Variants in TMEM178B observed in about 807,000 individuals in gnomAD.
TMEM178B encodes transmembrane protein 178B.
In TMEM178B, 5 loss-of-function variants were observed where a neutral mutation model predicts 31.0. The observed-to-expected ratio is 0.16, with a 90% CI of 0.08 to 0.34. TMEM178B has a LOEUF of 0.34. TMEM178B is among the 10% of genes least tolerant of loss of function. The pLI, the probability that TMEM178B is intolerant of heterozygous loss-of-function variation, is 1.00. For synonymous variants in TMEM178B, 164 were observed against 164.0 expected (o/e 1.00, Z 0.00); for missense variants, 275 against 400.3 (o/e 0.69, Z 2.67).
intron 2 of TMEM178B, among the ~76,000 whole-genome samples, chr7:141,431,600 T>C (rs972455284): frequency 3.3e-5 from 5 of 152,360 alleles, no homozygotes; most frequent in Middle Eastern, 3.4e-3. Context: ...CTGACATGAT[T>C]CGTGAGGAGA....
At chr7:141,242,531 G>A (rs753918395) in intron 2 of TMEM178B, among the ~76,000 whole-genome samples, 6 of 136,344 alleles carry the variant, frequency 4.4e-5, no homozygotes, top group African/African-American at 1.1e-4. Flanking sequence ...CTACCTTCCC[G>A]ATTCTTTTCC....
chr7:141,180,463 C>CAAAAAAAAAAAAAAAAAA, intron 1 of TMEM178B, among the ~76,000 whole-genome samples: 1 of 83,306 alleles, frequency 1.2e-5, no homozygotes, highest in Non-Finnish European at 2.3e-5. Context: ...GAGCCCATCT[C>CAAAAAAAAAAAAAAAAAA]AAAAAAAAAA....
In TMEM178B at chr7:141,478,910, G is replaced by A. The variant is rs907427282; in HGVS notation, c.*8124G>A. 1 of 152,166 alleles carries A rather than the reference G, an allele frequency of 6.6e-6. No homozygotes were observed. Among genetic ancestry groups the A allele is most frequent in the Admixed American group, 6.5e-5 (1 of 15,276 alleles). The allele number at this position is 152,166 out of a possible 1,614,324, so 9.4% of individuals were successfully genotyped here. On this transcript the variant is annotated 3_prime_UTR_variant, in exon 4 of 4. Transcript: ENST00000565468. ...TCATAGCTGATGAAGGCAGGAGTGA[G>A]TCTTATTATGTTGGCCTAGAGTAGA...
At chr7:141,313,741 T>G (rs548710800) in intron 2 of TMEM178B, among the ~76,000 whole-genome samples, 11 of 150,760 alleles carry the variant, frequency 7.3e-5, no homozygotes, top group African/African-American at 2.7e-4. Flanking sequence ...AATGGAGATG[T>G]GGCTTCCCGT....
At chr7:141,213,704 G>A (rs748471244) in intron 2 of TMEM178B, among the ~76,000 whole-genome samples, 14 of 152,300 alleles carry the variant, frequency 9.2e-5, no homozygotes, top group Non-Finnish European at 1.5e-4. Context: ...AGGCCCACCA[G>A]GTGTATTCTA....
At chr7:141,275,290 G>A (rs2116387424) in intron 2 of TMEM178B, among the ~76,000 whole-genome samples, 1 of 152,336 alleles carries the variant, frequency 6.6e-6, no homozygotes, top group South Asian at 2.1e-4. Context: ...CCCAAGTGTA[G>A]TACCTCTCCT....
intron 2 of TMEM178B, among the ~76,000 whole-genome samples, chr7:141,387,963 C>T (rs1800465034): frequency 6.6e-6 from 1 of 152,214 alleles, no homozygotes; most frequent in Non-Finnish European, 1.5e-5. Flanking sequence ...AACCTGCCTT[C>T]GTCCACTTAC....
chr7:141,264,934 C>T (rs748741702), intron 2 of TMEM178B, among the ~76,000 whole-genome samples: 2 of 152,160 alleles, frequency 1.3e-5, no homozygotes, highest in Non-Finnish European at 2.9e-5. Context: ...AAGTGCCAAG[C>T]ACTGTTACAT....
intron 2 of TMEM178B, among the ~76,000 whole-genome samples, chr7:141,339,813 C>T (rs371234462): frequency 1.1e-4 from 16 of 152,200 alleles, no homozygotes; most frequent in East Asian, 9.6e-4. Flanking sequence ...GCAATGGGCT[C>T]ATGTTAGTAG....
At chr7:141,161,374 C>T (rs553615257) in intron 1 of TMEM178B, among the ~76,000 whole-genome samples, 1 of 152,114 alleles carries the variant, frequency 6.6e-6, no homozygotes, top group Non-Finnish European at 1.5e-5. Flanking sequence ...CGGGAAGGCT[C>T]TGCTGGAGGT....
intron 2 of TMEM178B, among the ~76,000 whole-genome samples, chr7:141,338,188 T>G (rs1475654744): frequency 6.6e-6 from 1 of 152,166 alleles, no homozygotes; most frequent in African/African-American, 2.4e-5. Flanking sequence ...TGATAGAAAT[T>G]AGAGCAATAG....
intron 1 of TMEM178B, among the ~76,000 whole-genome samples, chr7:141,191,886 A>G (rs1796702455): frequency 6.6e-6 from 1 of 152,190 alleles, no homozygotes; most frequent in Admixed American, 6.5e-5. Flanking sequence ...GGTTATAGTT[A>G]CAAAGGCTTT....
intron 1 of TMEM178B, among the ~76,000 whole-genome samples, chr7:141,148,337 C>T (rs186679590): frequency 1.1e-4 from 17 of 152,278 alleles, no homozygotes; most frequent in South Asian, 2.1e-4. Flanking sequence ...CAGGTTCCAG[C>T]GATTAGGATG....
rs1040095562 is a variant in TMEM178B, at chr7:141,470,809, T to C, written c.*23T>C. On this transcript the variant is annotated 3_prime_UTR_variant, in exon 4 of 4. Transcript: ENST00000565468. Reference sequence around the variant, plus strand: ...TAAAAAACAAACCCATACATACATATATATATATAAATATATATATATAAT... The same window carrying C: ...TAAAAAACAAACCCATACATACATACATATATATAAATATATATATATAAT... 8.3e-6 allele frequency: 9 copies of C among 1,082,380 alleles called. No individual in the cohort carries two copies. Among genetic ancestry groups the C allele is most frequent in the Non-Finnish European group, 1.0e-5 (9 of 864,760 alleles). 67.0% of individuals were successfully genotyped at this position (1,082,380 alleles called of 1,614,324 possible).
chr7:141,212,113 G>C (rs560736225), intron 1 of TMEM178B, among the ~76,000 whole-genome samples: 1 of 152,246 alleles, frequency 6.6e-6, no homozygotes, highest in Admixed American at 6.5e-5. Flanking sequence ...TGTGTTCAGA[G>C]GTGAGGTTGG....
At chr7:141,119,657 T>G (rs555988953) in intron 1 of TMEM178B, among the ~76,000 whole-genome samples, 1 of 152,276 alleles carries the variant, frequency 6.6e-6, no homozygotes, top group East Asian at 1.9e-4. Context: ...ATCCCTGTCT[T>G]TTTTGTTTGG....
At chr7:141,295,132 A>G (rs1798609562) in intron 2 of TMEM178B, among the ~76,000 whole-genome samples, 1 of 152,198 alleles carries the variant, frequency 6.6e-6, no homozygotes, top group African/African-American at 2.4e-5. Flanking sequence ...TACTTGAAAT[A>G]TGACAGATGT....
intron 1 of TMEM178B, among the ~76,000 whole-genome samples, chr7:141,194,106 A>G (rs1796742023): frequency 6.6e-6 from 1 of 152,138 alleles, no homozygotes; most frequent in South Asian, 2.1e-4. Flanking sequence ...TCTGGGAGAT[A>G]CAATTCAAGT....
In TMEM178B at chr7:141,369,365, G is replaced by T. The variant is rs1382471938; in HGVS notation, c.497-68243G>T. Among the ~76,000 whole-genome samples the T allele has an allele frequency of 2.7e-5, 4 of 150,926 alleles. No individual in the cohort carries two copies. The East Asian group carries it at 5.9e-4, about 22-fold the overall frequency. On this transcript the variant is annotated intron_variant, in intron 2 of 3. Transcript: ENST00000565468. Reference sequence around the variant, plus strand: ...TGTGTGTGTGTGTGTGTGTATGTGTGTGTGTTTATGTAGAGGAGAAAGAAA... The same window carrying T: ...TGTGTGTGTGTGTGTGTGTATGTGTTTGTGTTTATGTAGAGGAGAAAGAAA...
Sources: allele counts gnomAD v4.1 joint callset (sites outside exome capture counted in the v4.1 genomes callset), GRCh38; gene constraint gnomAD v4.1.1; transcripts MANE v1.5; gene names NCBI Gene and HGNC (gene_info 2026-07-23, HGNC 2026-07-21).